The following CAPZB variants were observed in gnomAD, a reference collection of about 807,000 sequenced individuals.
The protein encoded by CAPZB is F-actin-capping protein subunit beta.
Under a neutral mutation model 38.1 loss-of-function variants are expected in CAPZB, and 2 were observed. That is an observed-to-expected ratio of 0.05 (90% confidence interval 0.02 to 0.17). The LOEUF (loss-of-function observed/expected upper bound fraction) is 0.17. CAPZB is among the 10% of genes least tolerant of loss of function. CAPZB has a pLI of 1.00. For synonymous variants in CAPZB, 107 were observed against 127.4 expected (o/e 0.84, Z 1.08); for missense variants, 161 against 334.2 (o/e 0.48, Z 4.04).
At chr1:19,385,216 T>C (rs1009854744) in intron 3 of CAPZB, among the ~76,000 whole-genome samples, 35 of 152,298 alleles carry the variant, frequency 2.3e-4, no homozygotes, top group African/African-American at 8.2e-4. Context: ...CCTCTCCCGT[T>C]AGACTGGAAG....
intron 3 of CAPZB, among the ~76,000 whole-genome samples, chr1:19,384,436 T>G (rs1198732008): frequency 6.6e-6 from 1 of 152,222 alleles, no homozygotes; most frequent in African/African-American, 2.4e-5. Context: ...TCCTCTTTAT[T>G]TTCTTCAGGA....
At chr1:19,478,375 C>T (rs1440159360) in intron 1 of CAPZB, among the ~76,000 whole-genome samples, 2 of 152,218 alleles carry the variant, frequency 1.3e-5, no homozygotes, top group Admixed American at 6.5e-5. Flanking sequence ...TGCCAGGCAT[C>T]GTCTACACTT....
intron 8 of CAPZB, among the ~76,000 whole-genome samples, chr1:19,341,189 G>A (rs2093926344): frequency 1.3e-5 from 2 of 152,182 alleles, no homozygotes; most frequent in Admixed American, 1.3e-4. Flanking sequence ...GGAAATACAC[G>A]TTTCTGAGTA....
At chr1:19,342,618 C>T (rs2093936254) in intron 8 of CAPZB, 2 of 655,952 alleles carry the variant, frequency 3.0e-6, no homozygotes, top group Admixed American at 4.3e-5. Context: ...TGTGGCTGTG[C>T]ACCGACCGGG....
At chr1:19,452,957 C>G (rs1234211565) in intron 1 of CAPZB, among the ~76,000 whole-genome samples, 1 of 152,018 alleles carries the variant, frequency 6.6e-6, no homozygotes, top group Non-Finnish European at 1.5e-5. Flanking sequence ...GCACCTGTCA[C>G]CATGCCCAAC....
Position 19,339,248 on chromosome 1 carries a change from G to A in CAPZB, c.*282C>T. 1 of 452,586 alleles carries A rather than the reference G, an allele frequency of 2.2e-6. No individual in the cohort carries two copies. The highest frequency in any genetic ancestry group is 4.0e-6 in the Non-Finnish European group (1 of 251,906). The allele number at this position is 452,586 out of a possible 1,614,324, so 28.0% of individuals were successfully genotyped here. On this transcript the variant is annotated 3_prime_UTR_variant, in exon 9 of 9. Transcript: ENST00000264202. Reference sequence around the variant, plus strand: ...GTGGATTTTATGCCTATAAATGGGGGGACAGGGAGGAAGACGGGGGGCCCG... The same window carrying A: ...GTGGATTTTATGCCTATAAATGGGGAGACAGGGAGGAAGACGGGGGGCCCG...
intron 1 of CAPZB, among the ~76,000 whole-genome samples, chr1:19,459,329 G>A (rs747261299): frequency 1.8e-4 from 27 of 152,208 alleles, no homozygotes; most frequent in Non-Finnish European, 3.2e-4. Context: ...AGTCTTAGCA[G>A]TATCTCAGGG....
intron 4 of CAPZB, among the ~76,000 whole-genome samples, chr1:19,376,018 G>A: frequency 6.6e-6 from 1 of 152,260 alleles, no homozygotes; most frequent in East Asian, 1.9e-4. Context: ...AAGGGAAGCA[G>A]AAGTCCAAGA....
At chr1:19,353,150 T>C (rs1459663074) in intron 6 of CAPZB, among the ~76,000 whole-genome samples, 1 of 152,198 alleles carries the variant, frequency 6.6e-6, no homozygotes, top group African/African-American at 2.4e-5. Flanking sequence ...CTGGGAAAGC[T>C]GAGGACCCAT....
At chr1:19,352,333 T>A (rs542067083) in intron 6 of CAPZB, among the ~76,000 whole-genome samples, 7 of 152,288 alleles carry the variant, frequency 4.6e-5, no homozygotes, top group Non-Finnish European at 7.4e-5. Flanking sequence ...ACCTGCCTGA[T>A]CTCCCCACTC....
chr1:19,371,549 A>G (rs1030011295), intron 4 of CAPZB, among the ~76,000 whole-genome samples: 1 of 152,120 alleles, frequency 6.6e-6, no homozygotes, highest in East Asian at 1.9e-4. Context: ...AAAGACAAAG[A>G]GAGAATCCAG....
chr1:19,410,493 G>A (rs568332577), intron 2 of CAPZB, among the ~76,000 whole-genome samples: 2 of 152,310 alleles, frequency 1.3e-5, no homozygotes, highest in South Asian at 4.1e-4. Context: ...TGGGTGGGGG[G>A]TGGTGGGGGG....
Position 19,339,295 on chromosome 1 carries a change from C to T in CAPZB, c.*235G>A. 1.9e-6 allele frequency: 1 copy of T among 538,508 alleles called. No individual in the cohort carries two copies. Among genetic ancestry groups the T allele is most frequent in the Non-Finnish European group, 3.3e-6 (1 of 302,872 alleles). The allele number at this position is 538,508 out of a possible 1,614,324, so 33.4% of individuals were successfully genotyped here. Reference sequence around the variant, plus strand: ...CCCGGGTGAACAAAAACCACACGGTCTCTATGGAAATGTGGAGAGAACTGA... The same window carrying T: ...CCCGGGTGAACAAAAACCACACGGTTTCTATGGAAATGTGGAGAGAACTGA... On this transcript the variant is annotated 3_prime_UTR_variant, in exon 9 of 9. Coordinates refer to ENST00000264202, the MANE Select transcript of CAPZB (RefSeq NM_004930.5).
chr1:19,373,900 G>A (rs185337276), intron 4 of CAPZB, among the ~76,000 whole-genome samples: 66 of 152,112 alleles, frequency 4.3e-4, no homozygotes, highest in East Asian at 1.2e-3. Flanking sequence ...TTGCTATGTC[G>A]CCCAGGCTGG....
rs150974076 is a variant in CAPZB, at chr1:19,339,819, C to T, written c.732-202G>A. Among the ~76,000 whole-genome samples the T allele has an allele frequency of 3.9e-4, 59 of 152,356 alleles. 1 individual carries two copies. The highest frequency in any genetic ancestry group is 1.3e-3 in the African/African-American group (56 of 41,590). ...ATGGCCGAGACCTGCACCCTCTGCA[C>T]CTTGCCAGGCCCTGTGGGGGTGGCA... On this transcript the variant is annotated intron_variant, in intron 8 of 8. Transcript: ENST00000264202.
At chr1:19,483,666 T>C (rs1367512298) in intron 1 of CAPZB, among the ~76,000 whole-genome samples, 1 of 152,138 alleles carries the variant, frequency 6.6e-6, no homozygotes, top group African/African-American at 2.4e-5. Flanking sequence ...GAGTGCACAC[T>C]CAGGAAACTT....
At chr1:19,428,230 C>T (rs140635778) in intron 1 of CAPZB, among the ~76,000 whole-genome samples, 51 of 152,208 alleles carry the variant, frequency 3.4e-4, no homozygotes, top group Non-Finnish European at 5.7e-4. Flanking sequence ...TGGTGAAACC[C>T]CACCTCTACT....
intron 1 of CAPZB, among the ~76,000 whole-genome samples, chr1:19,427,486 C>T (rs2094427199): frequency 6.6e-6 from 1 of 152,292 alleles, no homozygotes; most frequent in Middle Eastern, 3.4e-3. Context: ...AATCCGTGAC[C>T]CAATAAGCAA....
chr1:19,408,366 CGGCT>C (rs1281207518), intron 2 of CAPZB, among the ~76,000 whole-genome samples: 1 of 152,230 alleles, frequency 6.6e-6, no homozygotes, highest in Non-Finnish European at 1.5e-5. Context: ...CTCATGAATT[CGGCT>C]TTCGGAAACT....
Sources: allele counts gnomAD v4.1 joint callset (sites outside exome capture counted in the v4.1 genomes callset), GRCh38; gene constraint gnomAD v4.1.1; transcripts MANE v1.5; gene names NCBI Gene and HGNC (gene_info 2026-07-23, HGNC 2026-07-21).